Variants in CC2D2B observed in about 807,000 individuals in gnomAD.
CC2D2B encodes protein CC2D2B.
In CC2D2B, 128 loss-of-function variants were observed where a neutral mutation model predicts 161.2. The ratio of observed to expected loss-of-function variants is 0.79; its 90% CI spans 0.69 to 0.92. CC2D2B has a LOEUF of 0.92. Ranked by LOEUF, CC2D2B falls within the 40% of genes least tolerant of loss-of-function variation. The pLI is 0.00. For synonymous variants in CC2D2B, 391 were observed against 449.8 expected (o/e 0.87, Z 1.65); for missense variants, 1,173 against 1,375.1 (o/e 0.85, Z 2.32).
At chr10:95,911,034 A>G (rs1480148838) in intron 1 of CC2D2B, among the ~76,000 whole-genome samples, 1 of 152,172 alleles carries the variant, frequency 6.6e-6, no homozygotes, top group Non-Finnish European at 1.5e-5. Flanking sequence ...ATAAAAACCT[A>G]TCATCTACAA....
At chr10:95,958,962 T>C (rs565682681) in intron 11 of CC2D2B, among the ~76,000 whole-genome samples, 1 of 151,982 alleles carries the variant, frequency 6.6e-6, no homozygotes, top group Non-Finnish European at 1.5e-5. Flanking sequence ...GCTGATCAAG[T>C]GGAAAAAGTG....
At position 96,012,284 on chromosome 10, in the gene CC2D2B, T is replaced by G. The variant is rs1450114795; in HGVS notation, c.3145T>G (p.Leu1049Val). Reference protein sequence around the residue: ...FPKEDSNEQNLKECTFLNIFA... With the variant: ...FPKEDSNEQNVKECTFLNIFA... ...TAAAGAAGATTCCAATGAGCAGAAT[T>G]TAAAAGAATGTACATTCTTAAATAT... is the stretch of plus-strand genomic sequence containing the variant. The change falls in exon 27 of 35, where the codon TTA becomes GTA. Residue 1049 changes from leucine (L) to valine (V), a missense_variant. Leu to Val is a conservative substitution (Grantham distance 32). Around this residue, in one of 3 missense-constraint regions of CC2D2B, gnomAD observed 598 missense variants for 693.2 expected, o/e 0.86. Transcript: ENST00000646931. The G allele has an allele frequency of 4.2e-6, 3 of 714,584 alleles. No individual in the cohort carries two copies. In the East Asian group the frequency reaches 8.1e-5, roughly 19 times the overall value. The allele number at this position is 714,584 out of a possible 1,614,324, so 44.3% of individuals were successfully genotyped here.
intron 9 of CC2D2B, 77 bp from the exon 10 acceptor site, chr10:95,949,819 T>C: frequency 2.5e-6 from 1 of 397,284 alleles, no homozygotes; most frequent in Non-Finnish European, 4.4e-6. Flanking sequence ...AAATGTTACT[T>C]TTGTAAGGAA....
At chr10:95,927,449 C>T (rs1473888107) in intron 6 of CC2D2B, 117 bp downstream of exon 6, 20 of 634,004 alleles carry the variant, frequency 3.2e-5, no homozygotes, top group East Asian at 5.6e-5. Context: ...GTGCCTTCAT[C>T]TTCTCTTTGA....
At chr10:95,924,435 T>C in intron 4 of CC2D2B, 45 bp downstream of exon 4, 1 of 1,078,420 alleles carries the variant, frequency 9.3e-7, no homozygotes. Flanking sequence ...ACTATTTAAA[T>C]GAGACATTTA....
intron 26 of CC2D2B, 119 bp downstream of exon 26, chr10:96,010,042 C>A (rs1164392791): frequency 1.6e-6 from 1 of 637,756 alleles, no homozygotes; most frequent in Non-Finnish European, 2.8e-6. Flanking sequence ...TTAAGATGAT[C>A]CTGTATTAGA....
chr10:95,993,831 A>AGT (rs1454629181), intron 22 of CC2D2B, among the ~76,000 whole-genome samples: 1 of 118,010 alleles, frequency 8.5e-6, no homozygotes, highest in South Asian at 3.0e-4. Flanking sequence ...ATATATAAAG[A>AGT]GTGTATATAT....
At chr10:95,972,254 T>G in intron 16 of CC2D2B, 38 bp downstream of exon 16, 1 of 1,205,462 alleles carries the variant, frequency 8.3e-7, no homozygotes, top group Non-Finnish European at 1.0e-6. Context: ...CCCTATTTTC[T>G]TCCTGAGTAC....
chr10:95,926,309 T>A (rs1252731711), intron 5 of CC2D2B, among the ~76,000 whole-genome samples: 1 of 152,098 alleles, frequency 6.6e-6, no homozygotes, highest in Non-Finnish European at 1.5e-5. Context: ...CACACAGGTA[T>A]ATTTGCTCAG....
chr10:95,938,071 G>A lies in CC2D2B; in HGVS notation c.417G>A (p.Glu139=). The change falls in exon 7 of 35, where the codon GAG becomes GAA. Residue 139 remains glutamate, a synonymous_variant. Coordinates refer to ENST00000646931, the MANE Select transcript of CC2D2B (RefSeq NM_001349008.3). Reference sequence around the variant, plus strand: ...ATGTTGCTGAGAGTGAAGAGGAAGAGTTTATGAAAGAATTCATTTTGACAG... The same window carrying A: ...ATGTTGCTGAGAGTGAAGAGGAAGAATTTATGAAAGAATTCATTTTGACAG... ...LQNVAESEEE[E]FMKEFILTDI... is the part of the protein sequence containing the mutation. 6.5e-7 allele frequency: 1 copy of A among 1,550,358 alleles called. No individual in the cohort carries two copies. Among genetic ancestry groups the A allele is most frequent in the Non-Finnish European group, 8.7e-7 (1 of 1,145,872 alleles).
chr10:95,994,454 T>C (rs905405958), intron 22 of CC2D2B, among the ~76,000 whole-genome samples: 7 of 152,166 alleles, frequency 4.6e-5, no homozygotes, highest in Admixed American at 2.6e-4. Context: ...AGCGTGACCA[T>C]TGAAGCACAG....
intron 29 of CC2D2B, 151 bp from the exon 30 acceptor site, chr10:96,016,050 G>A (rs1369081406): frequency 1.6e-6 from 1 of 619,100 alleles, no homozygotes; most frequent in Non-Finnish European, 2.9e-6. Flanking sequence ...AGCTGGAGCT[G>A]TCTGCTCTGC....
At chr10:95,957,042 G>T (rs1448624040) in intron 11 of CC2D2B, among the ~76,000 whole-genome samples, 2 of 152,060 alleles carry the variant, frequency 1.3e-5, no homozygotes, top group Non-Finnish European at 2.9e-5. Flanking sequence ...TGGTAAATTG[G>T]GGTTAATTTT....
intron 9 of CC2D2B, among the ~76,000 whole-genome samples, chr10:95,945,502 T>C: frequency 6.6e-6 from 1 of 152,220 alleles, no homozygotes; most frequent in East Asian, 1.9e-4. Context: ...TATTTACTGA[T>C]TAGTTTCGTC....
At position 95,994,747 on chromosome 10, in the gene CC2D2B, G is replaced by A. The variant is rs1318101297; in HGVS notation, c.2643-522G>A. Among the ~76,000 whole-genome samples, 5 of 152,164 alleles carry A rather than the reference G, an allele frequency of 3.3e-5. No individual in the cohort carries two copies. The East Asian group carries it at 7.7e-4, about 24-fold the overall frequency. ...TTCAGCATCTGACCCTATACCCGCC[G>A]GTCATTCCTTGGTTATATTAGTAAT... On this transcript the variant is annotated intron_variant, in intron 22 of 34. Transcript: ENST00000646931.
rs546468699 is a variant in CC2D2B, at chr10:95,943,043, T to C, written c.801+4118T>C. On this transcript the variant is annotated intron_variant, in intron 9 of 34. Transcript: ENST00000646931. ...CCTCCTTTTTCCTTAATTCCTGTGGTCCCCATACTTCTTAGTTTCGATTTC... is the reference window on the plus strand; with the variant it reads ...CCTCCTTTTTCCTTAATTCCTGTGGCCCCCATACTTCTTAGTTTCGATTTC... Among the ~76,000 whole-genome samples the C allele has an allele frequency of 7.1e-4, 108 of 152,206 alleles. 2 individuals are homozygous for C. The highest frequency in any genetic ancestry group is 7.1e-3 in the Admixed American group (108 of 15,266).
rs760277151 is a variant in CC2D2B, at chr10:96,004,182, C to T, written c.2880C>T (p.Ser960=). The part of the protein sequence containing the change: ...VSPGHDYSFS[S]LSKIKDNIYI... ...CAGGACATGATTATAGCTTCTCAAG[C>T]TTATCTAAAATAAAAGATAACATAT... Residue 960 remains serine (S), a synonymous_variant, in exon 25 of 35, where the codon AGC becomes AGT. Transcript: ENST00000646931. 1 of 1,551,990 alleles carries T rather than the reference C, an allele frequency of 6.4e-7. No homozygotes were observed.
chr10:95,927,018 G>A (rs2098540650), intron 5 of CC2D2B, among the ~76,000 whole-genome samples: 1 of 152,004 alleles, frequency 6.6e-6, no homozygotes, highest in African/African-American at 2.4e-5. Flanking sequence ...TGTATATTCT[G>A]GCTTTTCTTG....
intron 12 of CC2D2B, among the ~76,000 whole-genome samples, chr10:95,963,334 C>T (rs2076831640): frequency 6.6e-6 from 1 of 152,146 alleles, no homozygotes; most frequent in African/African-American, 2.4e-5. Flanking sequence ...ACTGAATAAA[C>T]TTGTAGCTAG....
Sources: gnomAD v4.1 joint callset for allele counts (sites outside exome capture counted in the v4.1 genomes callset) on GRCh38, gnomAD v4.1.1 for gene constraint, gnomAD v4.1.1 regional missense constraint, MANE v1.5 for transcripts, NCBI Gene and HGNC (gene_info 2026-07-23, HGNC 2026-07-21) for gene names.